RAB3IL1: variants seen among roughly 807,000 people sequenced by gnomAD.
RAB3IL1 encodes the protein guanine nucleotide exchange factor for Rab-3A.
In RAB3IL1, 37 loss-of-function variants were observed where a neutral mutation model predicts 49.2. That is an observed-to-expected ratio of 0.75 (90% CI 0.58 to 0.99). RAB3IL1 has a LOEUF of 0.99. RAB3IL1 is among the 50% of genes least tolerant of loss of function. The pLI is 0.00. For synonymous variants in RAB3IL1, 193 were observed against 213.9 expected (o/e 0.90, Z 0.85); for missense variants, 484 against 513.0 (o/e 0.94, Z 0.55).
upstream of RAB3IL1, chr11:61,920,021 G>A (rs1939857838): frequency 8.1e-7 from 1 of 1,240,296 alleles, no homozygotes; most frequent in East Asian, 3.1e-5. Context: ...TCCCCTCCAT[G>A]CCCCAGGTCC....
At chr11:61,940,868 C>T in the RAB3IL1 span, among the ~76,000 whole-genome samples, 5 of 151,620 alleles carry the variant, frequency 3.3e-5, no homozygotes, top group East Asian at 3.9e-4. Context: ...TGCAGTGAGC[C>T]GAGAATGCAC....
chr11:61,913,851 G>A (rs1421706343), intron 1 of RAB3IL1, among the ~76,000 whole-genome samples: 1 of 152,138 alleles, frequency 6.6e-6, no homozygotes, highest in Admixed American at 6.5e-5. Flanking sequence ...CATTTCCAAA[G>A]ACCTATTGGG....
chr11:61,910,983 C>G (rs926462954), intron 1 of RAB3IL1, among the ~76,000 whole-genome samples: 1 of 152,218 alleles, frequency 6.6e-6, no homozygotes, highest in African/African-American at 2.4e-5. Flanking sequence ...GCTTCATCCA[C>G]CAGTGTGGTC....
chr11:61,937,704 AT>A, the RAB3IL1 span, among the ~76,000 whole-genome samples: 3 of 152,214 alleles, frequency 2.0e-5, no homozygotes, highest in Admixed American at 6.6e-5. Context: ...ACTAGAAAAT[AT>A]TTAACACAAT....
At chr11:61,942,087 T>C in the RAB3IL1 span, among the ~76,000 whole-genome samples, 7 of 152,142 alleles carry the variant, frequency 4.6e-5, no homozygotes, top group Non-Finnish European at 8.8e-5. Flanking sequence ...GGCGTGCTCC[T>C]GTAATCCCAA....
upstream of RAB3IL1, among the ~76,000 whole-genome samples, chr11:61,923,652 TC>T (rs772637621): frequency 1.1e-4 from 16 of 152,196 alleles, no homozygotes; most frequent in South Asian, 2.1e-4. Flanking sequence ...CTTCCTCAGG[TC>T]AGCCAGTGCT....
At chr11:61,922,723 G>A (rs998871158), upstream of RAB3IL1, among the ~76,000 whole-genome samples, 42 of 151,182 alleles carry the variant, frequency 2.8e-4, no homozygotes, top group African/African-American at 9.4e-4. Context: ...CCCGCCCAGC[G>A]GATAACAGTA....
chr11:61,909,187 G>A (rs1939350829), intron 1 of RAB3IL1, among the ~76,000 whole-genome samples: 1 of 152,198 alleles, frequency 6.6e-6, no homozygotes, highest in East Asian at 1.9e-4. Flanking sequence ...CAGCAACCAG[G>A]GCTGGGGATG....
intron 8 of RAB3IL1, chr11:61,899,629 T>G: frequency 2.1e-6 from 1 of 482,044 alleles, no homozygotes; most frequent in Non-Finnish European, 3.8e-6. Flanking sequence ...GCGCTTATTA[T>G]TCCATCTTAC....
In RAB3IL1 at chr11:61,899,230, G is replaced by A. The variant is rs59953335; in HGVS notation, c.1066+84C>T. ...TCCTAGCTGAGTCTTGCCTCCACTA[G>A]GGGCAGGTGGGCCCAGAGGGCACTT... On this transcript the variant is annotated intron_variant, in intron 9 of 9. Transcript: ENST00000394836. 1,770 of 1,435,238 alleles carry A rather than the reference G, an allele frequency of 1.2e-3. 14 individuals carry two copies. In the African/African-American group the frequency reaches 0.02, roughly 17 times the overall value. The allele number at this position is 1,435,238 out of a possible 1,614,324, so 88.9% of individuals were successfully genotyped here.
the RAB3IL1 span, among the ~76,000 whole-genome samples, chr11:61,928,629 C>G: frequency 5.9e-5 from 9 of 152,224 alleles, no homozygotes; most frequent in Admixed American, 5.2e-4. Context: ...ATACATGGAG[C>G]TAGGACCCTC....
chr11:61,900,566 G>T (rs896363474), intron 8 of RAB3IL1, among the ~76,000 whole-genome samples: 3 of 152,194 alleles, frequency 2.0e-5, no homozygotes, highest in African/African-American at 7.2e-5. Flanking sequence ...CGGCAGGAGG[G>T]TGGGGCAGGG....
At chr11:61,921,118 C>A (rs533099218), upstream of RAB3IL1, among the ~76,000 whole-genome samples, 5 of 152,268 alleles carry the variant, frequency 3.3e-5, no homozygotes, top group African/African-American at 1.2e-4. Flanking sequence ...CCCACCTCAG[C>A]CTCCTGAGCA....
At chr11:61,914,409 T>C (rs779086927) in intron 1 of RAB3IL1, among the ~76,000 whole-genome samples, 11 of 152,214 alleles carry the variant, frequency 7.2e-5, no homozygotes, top group Non-Finnish European at 1.5e-4. Context: ...ATGCAGAAAC[T>C]TGAACGCTGG....
upstream of RAB3IL1, chr11:61,920,057 GCTC>G (rs1257019936): frequency 1.3e-5 from 17 of 1,271,614 alleles, no homozygotes; most frequent in Non-Finnish European, 1.7e-5. Flanking sequence ...GTGCCCCAGG[GCTC>G]TTCTCTCAAG....
the RAB3IL1 span, among the ~76,000 whole-genome samples, chr11:61,940,512 G>GTTATGCCTGGTGAC: frequency 9.9e-5 from 15 of 152,072 alleles, no homozygotes; most frequent in Non-Finnish European, 1.6e-4. Context: ...ATGTGGCCAG[G>GTTATGCCTGGTGAC]CATAGTGGTT....
the RAB3IL1 span, among the ~76,000 whole-genome samples, chr11:61,927,344 A>G: frequency 6.6e-6 from 1 of 152,152 alleles, no homozygotes; most frequent in African/African-American, 2.4e-5. Context: ...TTCTATACAA[A>G]TTGCCCAGAC....
At chr11:61,933,039 G>A in the RAB3IL1 span, among the ~76,000 whole-genome samples, 1 of 152,086 alleles carries the variant, frequency 6.6e-6, no homozygotes, top group African/African-American at 2.4e-5. Context: ...AAAGTGCTTG[G>A]ATTACAGGTG....
At chr11:61,939,148 CTT>C in the RAB3IL1 span, among the ~76,000 whole-genome samples, 2 of 151,766 alleles carry the variant, frequency 1.3e-5, no homozygotes, top group African/African-American at 4.8e-5. Context: ...CAAAATAAGT[CTT>C]AATAAATTTT....
Sources: gnomAD v4.1 joint callset for allele counts (sites outside exome capture counted in the v4.1 genomes callset) on GRCh38, gnomAD v4.1.1 for gene constraint, MANE v1.5 for transcripts, NCBI Gene and HGNC (gene_info 2026-07-23, HGNC 2026-07-21) for gene names.